The following RALB variants were observed in gnomAD, a reference collection of about 807,000 sequenced individuals.
RALB encodes the protein ras-related protein Ral-B.
In RALB, 16 loss-of-function variants were observed where a neutral mutation model predicts 21.3. The ratio of observed to expected loss-of-function variants is 0.75; its 90% CI spans 0.51 to 1.14. The LOEUF (loss-of-function observed/expected upper bound fraction) is 1.14, where lower values mean the gene tolerates loss of function less well. Among genes scored for constraint, RALB ranks in the 50% most tolerant of loss-of-function variants. The pLI, the probability that RALB is intolerant of heterozygous loss-of-function variation, is 0.00. For missense variants in RALB, 161 were observed against 256.2 expected, an observed-to-expected ratio of 0.63 and a Z score of 2.54; for synonymous variants, 93 against 96.1, an observed-to-expected ratio of 0.97 and a Z score of 0.19.
At chr2:120,291,602 T>C (rs558844300) in intron 4 of RALB, among the ~76,000 whole-genome samples, 1 of 152,172 alleles carries the variant, frequency 6.6e-6, no homozygotes, top group Non-Finnish European at 1.5e-5. Context: ...TATTCACTTG[T>C]AAAGAATTTC....
intron 2 of RALB, 135 bp downstream of exon 2, chr2:120,278,913 A>G (rs1233154401): frequency 1.8e-5 from 13 of 727,524 alleles, no homozygotes; most frequent in Non-Finnish European, 2.5e-5. Flanking sequence ...GCTTCTGAAT[A>G]GCTTCCTAGG....
At chr2:120,286,736 GA>G (rs1690168763) in intron 3 of RALB, among the ~76,000 whole-genome samples, 1 of 152,250 alleles carries the variant, frequency 6.6e-6, no homozygotes, top group East Asian at 1.9e-4. Context: ...ATGTGGGCAA[GA>G]ACCTGGCTAC....
intron 1 of RALB, among the ~76,000 whole-genome samples, chr2:120,256,161 C>T (rs1010075448): frequency 1.3e-5 from 2 of 152,180 alleles, no homozygotes; most frequent in African/African-American, 2.4e-5. Flanking sequence ...TTGCAGTCAT[C>T]TGAAGCTCGA....
chr2:120,293,431 T>A lies in RALB; in HGVS notation c.*171T>A. ...GTGACTCTGTGGCTGGCAGAAGAAA[T>A]AAGCCCATGCAAGTGGAAGGGCTGC... On this transcript the variant is annotated 3_prime_UTR_variant, in exon 5 of 5. Transcript: ENST00000272519. 2 of 600,242 alleles carry A rather than the reference T, an allele frequency of 3.3e-6. No homozygotes were observed. The highest frequency in any genetic ancestry group is 5.0e-6 in the Non-Finnish European group (2 of 401,580). 37.2% of individuals were successfully genotyped at this position (600,242 alleles called of 1,614,324 possible). A position where few individuals can be genotyped will look rare whatever the true frequency, so the allele number is the denominator to read the frequency against.
chr2:120,240,283 T>G (rs570040940), intron 1 of RALB, among the ~76,000 whole-genome samples: 1 of 141,732 alleles, frequency 7.1e-6, no homozygotes, highest in South Asian at 2.1e-4. Flanking sequence ...ACTTTTTTAT[T>G]TTTATTTTTA....
At chr2:120,265,704 G>A (rs1481088869) in intron 1 of RALB, among the ~76,000 whole-genome samples, 1 of 152,188 alleles carries the variant, frequency 6.6e-6, no homozygotes, top group Non-Finnish European at 1.5e-5. Flanking sequence ...CCTGCCATCC[G>A]CTAGTTAAGT....
intron 1 of RALB, among the ~76,000 whole-genome samples, chr2:120,267,401 A>T (rs1482826935): frequency 1.2e-4 from 9 of 76,218 alleles, no homozygotes; most frequent in African/African-American, 5.7e-4. Flanking sequence ...TAGACATGGA[A>T]AGTTGAGTCA....
chr2:120,265,320 G>A (rs1049769652), intron 1 of RALB, among the ~76,000 whole-genome samples: 1 of 152,214 alleles, frequency 6.6e-6, no homozygotes, highest in Non-Finnish European at 1.5e-5. Flanking sequence ...CAATGGGGAA[G>A]TATTTGTGTA....
chr2:120,260,354 T>C (rs183834793), intron 1 of RALB, among the ~76,000 whole-genome samples: 1 of 152,276 alleles, frequency 6.6e-6, no homozygotes, highest in African/African-American at 2.4e-5. Flanking sequence ...TGGGGGATAG[T>C]GAAGGAGCAG....
At chr2:120,281,551 C>T (rs1211596510) in intron 2 of RALB, among the ~76,000 whole-genome samples, 1 of 152,154 alleles carries the variant, frequency 6.6e-6, no homozygotes, top group Non-Finnish European at 1.5e-5. Context: ...CAAACCCAAA[C>T]CTGGTTATCC....
At chr2:120,289,854 AC>A in intron 4 of RALB, 97 bp downstream of exon 4, 1 of 1,166,044 alleles carries the variant, frequency 8.6e-7, no homozygotes, top group Non-Finnish European at 1.2e-6. Context: ...ATTTATGAAA[AC>A]TAGGTGAAGA....
chr2:120,262,546 G>C (rs1452780577), intron 1 of RALB, among the ~76,000 whole-genome samples: 1 of 152,156 alleles, frequency 6.6e-6, no homozygotes, highest in Non-Finnish European at 1.5e-5. Context: ...ACTTCTGGTG[G>C]TGACTGTTCA....
At chr2:120,289,313 C>T (rs933018082) in intron 3 of RALB, among the ~76,000 whole-genome samples, 2 of 150,698 alleles carry the variant, frequency 1.3e-5, no homozygotes, top group African/African-American at 2.5e-5. Context: ...CCTATCCAGA[C>T]ACTTCTGTAA....
chr2:120,245,394 T>C (rs1485106596), intron 1 of RALB, among the ~76,000 whole-genome samples: 1 of 152,208 alleles, frequency 6.6e-6, no homozygotes, highest in Non-Finnish European at 1.5e-5. Context: ...TGTGAGATCC[T>C]GAACTGCTGA....
intron 1 of RALB, among the ~76,000 whole-genome samples, chr2:120,259,329 G>A (rs1160998552): frequency 7.9e-5 from 12 of 152,258 alleles, no homozygotes; most frequent in Admixed American, 2.0e-4. Context: ...TGATTGGTGC[G>A]TTTACAATCC....
chr2:120,241,836 C>G (rs913275779), intron 1 of RALB, among the ~76,000 whole-genome samples: 1 of 152,192 alleles, frequency 6.6e-6, no homozygotes, highest in African/African-American at 2.4e-5. Flanking sequence ...CGTAATGGTG[C>G]AGTTGCTATG....
rs559534548 is a variant in RALB, at chr2:120,294,329, C to T, written c.*1069C>T. Reference sequence around the variant, plus strand: ...TTAGAAGTAGAGAGAGATAAGCCATCGCCCCTTTGCCTCTGAGAATTGGCT... The same window carrying T: ...TTAGAAGTAGAGAGAGATAAGCCATTGCCCCTTTGCCTCTGAGAATTGGCT... On this transcript the variant is annotated 3_prime_UTR_variant, in exon 5 of 5. Coordinates refer to ENST00000272519, the MANE Select transcript of RALB (RefSeq NM_002881.3). 8.5e-5 allele frequency: 34 copies of T among 398,798 alleles called. No individual in the cohort carries two copies. The highest frequency in any genetic ancestry group is 1.3e-4 in the South Asian group (1 of 7,822). The allele number at this position is 398,798 out of a possible 1,614,324, so 24.7% of individuals were successfully genotyped here. A position where few individuals can be genotyped will look rare whatever the true frequency, so the allele number is the denominator to read the frequency against.
chr2:120,253,531 G>A (rs1689115919), intron 1 of RALB: 1 of 985,638 alleles, frequency 1.0e-6, no homozygotes, highest in African/African-American at 1.7e-5. Context: ...AGGGGCCAGC[G>A]GCGAAGGGGC....
At chr2:120,258,969 C>T (rs1377251716) in intron 1 of RALB, among the ~76,000 whole-genome samples, 1 of 151,534 alleles carries the variant, frequency 6.6e-6, no homozygotes, top group Admixed American at 6.6e-5. Flanking sequence ...TTCGTGGTCT[C>T]GCTGGCTCAG....
Sources: gnomAD v4.1 joint callset for allele counts (sites outside exome capture counted in the v4.1 genomes callset) on GRCh38, gnomAD v4.1.1 for gene constraint, MANE v1.5 for transcripts, NCBI Gene and HGNC (gene_info 2026-07-23, HGNC 2026-07-21) for gene names.